Variants in PHACTR2 observed in about 807,000 individuals in gnomAD.
PHACTR2 encodes phosphatase and actin regulator 2.
PHACTR2 carries 30 observed loss-of-function variants against 76.0 expected under a neutral mutation model. The ratio of observed to expected loss-of-function variants is 0.39; its 90% CI spans 0.30 to 0.54. The LOEUF (loss-of-function observed/expected upper bound fraction) is 0.54, where lower values mean the gene tolerates loss of function less well. Among genes scored for constraint, PHACTR2 ranks in the 20% least tolerant of loss-of-function variants. The probability of loss-of-function intolerance (pLI) is 0.61; values close to 1 mark genes in which losing one functional copy is unlikely to be tolerated. For missense variants in PHACTR2, 696 were observed against 781.1 expected (o/e 0.89, Z 1.30); for synonymous variants, 292 against 292.5 (o/e 1.00, Z 0.02).
Position 143,617,805 on chromosome 6 carries a change from G to A in PHACTR2, c.13+9483G>A, listed in dbSNP as rs568190803. On this transcript the variant is annotated intron_variant, in intron 1 of 11. Transcript: ENST00000305766. This position sits in a 1 kb window ranked among gnomAD's most constrained non-coding sequence, Gnocchi z 4.8. ...GGCAATGTATCAGGATAGGAACAAC[G>A]GAAACTGAAGCCAGACTTTCTATAA... Among the ~76,000 whole-genome samples the A allele has an allele frequency of 3.3e-5, 5 of 152,294 alleles. No individual in the cohort carries two copies. Among genetic ancestry groups the A allele is most frequent in the African/African-American group, 1.2e-4 (5 of 41,566 alleles).
In PHACTR2 at chr6:143,760,584, A is replaced by G. The variant is rs368546742; in HGVS notation, c.638A>G (p.Lys213Arg). The G allele has an allele frequency of 1.1e-4, 172 of 1,613,892 alleles. 2 individuals are homozygous for G. The South Asian group carries it at 1.5e-3, about 14-fold the overall frequency. ...AAAAAAAATACCAAGGCTCCTGGTA[A>G]GCAGGCCCCCGTCCCTCCACCCAAG... ...PIKKNTKAPG[K>R]QAPVPPPKPA... Residue 213 changes from lysine to arginine, a missense_variant, in exon 5 of 13, where the codon AAG (lysine) becomes AGG (arginine). Around this residue, in one of 2 missense-constraint regions of PHACTR2, gnomAD observed 460 missense variants for 450.9 expected, o/e 1.02. Transcript: ENST00000440869. The surrounding 1 kb of genome is among the most constrained non-coding windows in gnomAD (Gnocchi z 6.4).
intron 2 of PHACTR2, among the ~76,000 whole-genome samples, chr6:143,736,554 ATTTTTTTTTTTTTTTTTTTTTTTTT>A (rs776969170): frequency 3.5e-5 from 2 of 56,948 alleles, no homozygotes; most frequent in African/African-American, 6.5e-5. Context: ...ACCCTTTACA[ATTTTTTTTTTTTTTTTTTTTTTTTT>A]TTTTTTTTTT....
intron 1 of PHACTR2, among the ~76,000 whole-genome samples, chr6:143,682,508 G>C (rs1175653603): frequency 6.7e-6 from 1 of 148,954 alleles, no homozygotes; most frequent in Non-Finnish European, 1.5e-5. Context: ...GAGCCACCAT[G>C]CCTGGCCTGA....
chr6:143,829,888 G>T lies in PHACTR2; in HGVS notation c.*6199G>T, dbSNP rs1171101521. The T allele has an allele frequency of 6.6e-6, 1 of 151,984 alleles. No individual in the cohort carries two copies. The highest frequency in any genetic ancestry group is 1.5e-5 in the Non-Finnish European group (1 of 68,000). The allele number at this position is 151,984 out of a possible 1,614,324, so 9.4% of individuals were successfully genotyped here. A position where few individuals can be genotyped will look rare whatever the true frequency, so the allele number is the denominator to read the frequency against. On this transcript the variant is annotated 3_prime_UTR_variant, in exon 13 of 13. Coordinates refer to ENST00000440869, the MANE Select transcript of PHACTR2 (RefSeq NM_001100164.2). Reference sequence around the variant, plus strand: ...AGTATTTTTTTTTTAAGAATAAATTGTAAGGAGCAAATAAGGCAGAATGCC... The same window carrying T: ...AGTATTTTTTTTTTAAGAATAAATTTTAAGGAGCAAATAAGGCAGAATGCC...
chr6:143,563,512 C>T (rs9484766), intron 1 of PHACTR2, among the ~76,000 whole-genome samples: 86,593 of 145,230 alleles, frequency 0.6, 26,284 homozygotes, highest in Middle Eastern at 0.73. Context: ...GCCAAGATCG[C>T]GCCACTGCAC....
rs1458113509 is a variant in PHACTR2 at position 143,789,369 on chromosome 6, A to T, written c.1845+459A>T. The T allele has an allele frequency of 6.4e-6, 1 of 155,260 alleles. No homozygotes were observed. Among genetic ancestry groups the T allele is most frequent in the Non-Finnish European group, 1.4e-5 (1 of 69,668 alleles). The allele number at this position is 155,260 out of a possible 1,614,324, so 9.6% of individuals were successfully genotyped here. ...AGTTCTGCCATTGTAGCATGAAAAC[A>T]GCCACAGACAATGTGTAATTGAATG... On this transcript the variant is annotated intron_variant, in intron 11 of 12. Coordinates refer to ENST00000440869, the MANE Select transcript of PHACTR2 (RefSeq NM_001100164.2). The surrounding 1 kb of genome is among the most constrained non-coding windows in gnomAD (Gnocchi z 5.1).
rs1301522753 is a variant in PHACTR2, at chr6:143,554,083, G to GT, written c.217+16882dup. Among the ~76,000 whole-genome samples the GT allele has an allele frequency of 1.3e-5, 2 of 152,100 alleles. No individual in the cohort carries two copies. Among genetic ancestry groups the GT allele is most frequent in the Non-Finnish European group, 2.9e-5 (2 of 68,018 alleles). On this transcript the variant is annotated intron_variant, in intron 1 of 11. Transcript: ENST00000367584. The surrounding 1 kb of genome is among the most constrained non-coding windows in gnomAD (Gnocchi z 5.9). The stretch of plus-strand genomic sequence containing the variant: ...GGGGCGCTGGGCAGAGGGGCATCAT[G>GT]TTTTTTGATACAAATGTAGAAAGCA...
At chr6:143,747,826 A>T (rs1443307906) in intron 2 of PHACTR2, among the ~76,000 whole-genome samples, 1 of 152,202 alleles carries the variant, frequency 6.6e-6, no homozygotes, top group African/African-American at 2.4e-5. Context: ...ACATGACCAC[A>T]TGTTAATTTT....
In PHACTR2 at chr6:143,760,279, T is replaced by C; in HGVS notation, c.455-122T>C. ...AACTGTGCTCTGTCTGGTGCAGAAC[T>C]CCATGCTGATTCTCAAGTACCAAGC... On this transcript the variant is annotated intron_variant, in intron 4 of 12. Coordinates refer to ENST00000440869, the MANE Select transcript of PHACTR2 (RefSeq NM_001100164.2). The surrounding 1 kb of genome is among the most constrained non-coding windows in gnomAD (Gnocchi z 6.4). 1 of 830,850 alleles carries C rather than the reference T, an allele frequency of 1.2e-6. No individual in the cohort carries two copies. Among genetic ancestry groups the C allele is most frequent in the Non-Finnish European group, 1.9e-6 (1 of 531,100 alleles). The allele number at this position is 830,850 out of a possible 1,614,324, so 51.5% of individuals were successfully genotyped here.
chr6:143,765,666 T>C lies in PHACTR2; in HGVS notation c.1100T>C (p.Leu367Pro). Reference sequence around the variant, plus strand: ...ACTGCCTCAGACACTCCAGTTGTCCTCGTCAGCGTTGGAGCTGACCTGCCC... The same window carrying C: ...ACTGCCTCAGACACTCCAGTTGTCCCCGTCAGCGTTGGAGCTGACCTGCCC... Reference protein sequence around the residue: ...CITASDTPVVLVSVGADLPVS... With the variant: ...CITASDTPVVPVSVGADLPVS... The change falls in exon 6 of 13, where the codon CTC becomes CCC. Residue 367 changes from leucine to proline, a missense_variant. By Grantham distance (98) the Leu-to-Pro change is moderately conservative (BLOSUM62 -3). Transcript: ENST00000440869. This position sits in a 1 kb window ranked among gnomAD's most constrained non-coding sequence, Gnocchi z 4.1. 1 of 1,614,198 alleles carries C rather than the reference T, an allele frequency of 6.2e-7. No homozygotes were observed. The highest frequency in any genetic ancestry group is 8.5e-7 in the Non-Finnish European group (1 of 1,180,030).
rs376754982 is a variant in PHACTR2, at chr6:143,746,832, GT to G, written c.215-2150del. Among the ~76,000 whole-genome samples the G allele has an allele frequency of 1.1e-3, 151 of 142,366 alleles. 1 individual carries two copies. Among genetic ancestry groups the G allele is most frequent in the African/African-American group, 3.4e-3 (132 of 39,200 alleles). 93.4% of individuals were successfully genotyped at this position (142,366 alleles called of 152,430 possible). On this transcript the variant is annotated intron_variant, in intron 2 of 12. Transcript: ENST00000440869. The stretch of plus-strand genomic sequence containing the variant: ...CTCTTTTTACATAATAGAACACCCA[GT>G]TTAAAAAAAAAAAAAAGACTCTTTG...
intron 4 of PHACTR2, among the ~76,000 whole-genome samples, chr6:143,758,050 A>T (rs1473678168): frequency 2.0e-5 from 3 of 152,170 alleles, no homozygotes; most frequent in Admixed American, 1.3e-4. Flanking sequence ...TCGAAGAGTC[A>T]AGAGGAGCGG....
At chr6:143,632,904 T>C (rs1327669961) in intron 1 of PHACTR2, among the ~76,000 whole-genome samples, 1 of 152,216 alleles carries the variant, frequency 6.6e-6, no homozygotes, top group Non-Finnish European at 1.5e-5. Flanking sequence ...AGTATGCACT[T>C]AAGGTTCCTC....
intron 9 of PHACTR2, among the ~76,000 whole-genome samples, chr6:143,778,704 A>C (rs1775344915): frequency 6.6e-6 from 1 of 152,218 alleles, no homozygotes; most frequent in African/African-American, 2.4e-5. Flanking sequence ...TTGTTGAATT[A>C]AGTTTTAAGC....
rs760639928 is a variant in PHACTR2, at chr6:143,616,809, G to A, written c.13+8487G>A. On this transcript the variant is annotated intron_variant, in intron 1 of 11. Coordinates refer to the PHACTR2 transcript ENST00000305766. The surrounding 1 kb of genome is among the most constrained non-coding windows in gnomAD (Gnocchi z 4.9). ...GTCAGAGAAAGCTTCCTAAGGAGGTGGCATGCAGGCTGAGGCCTAAGGAAT... is the reference window on the plus strand; with the variant it reads ...GTCAGAGAAAGCTTCCTAAGGAGGTAGCATGCAGGCTGAGGCCTAAGGAAT... 6.6e-6 allele frequency among the ~76,000 whole-genome samples: 1 copy of A among 152,090 alleles called. No homozygotes were observed. Among genetic ancestry groups the A allele is most frequent in the Non-Finnish European group, 1.5e-5 (1 of 68,042 alleles).
In PHACTR2 at chr6:143,543,973, T is replaced by A. The variant is rs1331708554; in HGVS notation, c.217+6766T>A. On this transcript the variant is annotated intron_variant, in intron 1 of 11. Coordinates refer to the PHACTR2 transcript ENST00000367584. This position sits in a 1 kb window ranked among gnomAD's most constrained non-coding sequence, Gnocchi z 4.7. ...GGTGCTTTGATGTGCTGAGTATTTC[T>A]AACTGAAGGACATTGGAAGGGCCTC... Among the ~76,000 whole-genome samples, 1 of 152,224 alleles carries A rather than the reference T, an allele frequency of 6.6e-6. No homozygotes were observed. Among genetic ancestry groups the A allele is most frequent in the Non-Finnish European group, 1.5e-5 (1 of 68,042 alleles).
chr6:143,829,188 C>CTTTTT lies in PHACTR2; in HGVS notation c.*5517_*5521dup, dbSNP rs748075314. The CTTTTT allele has an allele frequency of 2.0e-4, 14 of 71,666 alleles. No homozygotes were observed. Among genetic ancestry groups the CTTTTT allele is most frequent in the East Asian group, 4.1e-4 (1 of 2,446 alleles). The allele number at this position is 71,666 out of a possible 1,614,324, so 4.4% of individuals were successfully genotyped here. ...AAGGAGAGATCATACATGAAGAAAG[C>CTTTTT]TTTTTTTTTTTTTTTTTTTTTTGCC... On this transcript the variant is annotated 3_prime_UTR_variant, in exon 13 of 13. Coordinates refer to ENST00000440869, the MANE Select transcript of PHACTR2 (RefSeq NM_001100164.2).
At chr6:143,673,905 T>C (rs972895987), upstream of PHACTR2, among the ~76,000 whole-genome samples, 1 of 151,990 alleles carries the variant, frequency 6.6e-6, no homozygotes, top group African/African-American at 2.4e-5. Flanking sequence ...AGGAAATAAA[T>C]CACATGAAAA....
Position 143,547,759 on chromosome 6 carries a change from T to A in PHACTR2, c.217+10552T>A, listed in dbSNP as rs1775029236. On this transcript the variant is annotated intron_variant, in intron 1 of 11. Transcript: ENST00000367584. This position sits in a 1 kb window ranked among gnomAD's most constrained non-coding sequence, Gnocchi z 4.2. ...CGGGAAGGAGAGTGTGGCTTCATGATACCTTGCGGCCAGGAACTGATACAT... is the reference window on the plus strand; with the variant it reads ...CGGGAAGGAGAGTGTGGCTTCATGAAACCTTGCGGCCAGGAACTGATACAT... 6.6e-6 allele frequency among the ~76,000 whole-genome samples: 1 copy of A among 152,208 alleles called. No individual in the cohort carries two copies.
Sources: allele counts gnomAD v4.1 joint callset (sites outside exome capture counted in the v4.1 genomes callset), GRCh38; gene constraint gnomAD v4.1.1; regional missense constraint gnomAD v4.1.1; non-coding constraint Gnocchi (gnomAD v3.1); transcripts MANE v1.5; gene names NCBI Gene and HGNC (gene_info 2026-07-23, HGNC 2026-07-21).